The following OTOGL variants were observed in gnomAD, a reference collection of about 807,000 sequenced individuals.
The protein encoded by OTOGL is otogelin like, also known as otogelin-like protein.
OTOGL carries 285 observed loss-of-function variants against 318.5 expected under a neutral mutation model. The observed-to-expected ratio is 0.89, with a 90% CI of 0.81 to 0.99. The LOEUF (loss-of-function observed/expected upper bound fraction) is 0.99. Among genes scored for constraint, OTOGL ranks in the 50% least tolerant of loss-of-function variants. OTOGL has a pLI of 0.00. For synonymous variants in OTOGL, 987 were observed against 936.5 expected (o/e 1.05, Z -0.99); for missense variants, 2,899 against 2,845.6 (o/e 1.02, Z -0.43).
chr12:80,351,255 C>T (rs1363813907), intron 44 of OTOGL, among the ~76,000 whole-genome samples: 1 of 150,812 alleles, frequency 6.6e-6, no homozygotes, highest in African/African-American at 2.4e-5. Context: ...TGTTCTGTGT[C>T]CCATAGGCCT....
intron 1 of OTOGL, among the ~76,000 whole-genome samples, chr12:80,168,845 A>G (rs1169059748): frequency 1.3e-5 from 2 of 152,224 alleles, no homozygotes; most frequent in East Asian, 3.8e-4. Flanking sequence ...TCTCTAAGCA[A>G]TTAGGAAAAT....
At chr12:80,296,416 A>T (rs551967838) in intron 26 of OTOGL, among the ~76,000 whole-genome samples, 13 of 152,332 alleles carry the variant, frequency 8.5e-5, no homozygotes, top group African/African-American at 2.9e-4. Flanking sequence ...TTGAATTCTA[A>T]CTTATAGACA....
intron 29 of OTOGL, among the ~76,000 whole-genome samples, chr12:80,309,760 A>G (rs909751901): frequency 5.9e-5 from 9 of 152,160 alleles, no homozygotes; most frequent in South Asian, 4.1e-4. Context: ...GGGAAGGACA[A>G]TGGTGTAGAG....
At chr12:80,372,662 C>A (rs900815805) in intron 57 of OTOGL, among the ~76,000 whole-genome samples, 1 of 150,912 alleles carries the variant, frequency 6.6e-6, no homozygotes, top group Admixed American at 6.6e-5. Context: ...TTTTTATTAG[C>A]TTGGATTATA....
chr12:80,155,547 G>A (rs1202170114), intron 1 of OTOGL, among the ~76,000 whole-genome samples: 1 of 152,166 alleles, frequency 6.6e-6, no homozygotes, highest in Non-Finnish European at 1.5e-5. Flanking sequence ...ATGCAGGCAT[G>A]CAATGCATAA....
intron 1 of OTOGL, among the ~76,000 whole-genome samples, chr12:80,167,924 C>G (rs1873931083): frequency 6.6e-6 from 1 of 151,932 alleles, no homozygotes; most frequent in African/African-American, 2.4e-5. Context: ...CTTTTCTCTT[C>G]TTTTCTTTTT....
chr12:80,172,031 T>G (rs1207005616), intron 1 of OTOGL, among the ~76,000 whole-genome samples: 3 of 152,176 alleles, frequency 2.0e-5, no homozygotes, highest in Non-Finnish European at 4.4e-5. Context: ...TTTAACTGCT[T>G]CTCACAAATT....
At position 80,327,759 on chromosome 12, in the gene OTOGL, AC is replaced by A. The variant is rs1200048104; in HGVS notation, c.4200-904del. On this transcript the variant is annotated intron_variant, in intron 35 of 58. Coordinates refer to ENST00000547103, the MANE Select transcript of OTOGL (RefSeq NM_001378609.3). ...TGGATCATGAGGTCAGGAGATCGAG[AC>A]CATCCTGGCTAACATGGTGAAACCC... 3.3e-5 allele frequency among the ~76,000 whole-genome samples: 5 copies of A among 151,616 alleles called. No homozygotes were observed. The East Asian group carries it at 7.9e-4, about 24-fold the overall frequency.
chr12:80,215,320 A>G (rs1329390909), intron 4 of OTOGL, among the ~76,000 whole-genome samples: 3 of 151,756 alleles, frequency 2.0e-5, no homozygotes, highest in Non-Finnish European at 2.9e-5. Context: ...CACATACCAC[A>G]AACCCTGGCT....
Position 80,158,549 on chromosome 12 carries a change from T to C in OTOGL, c.-19-50864T>C, listed in dbSNP as rs1873279817. ...GTATAAATAAAGTCATATTTATATG[T>C]ACATATTTATATGTACATTATATAT... On this transcript the variant is annotated intron_variant, in intron 1 of 58. Transcript: ENST00000547103. Among the ~76,000 whole-genome samples, 3 of 152,190 alleles carry C rather than the reference T, an allele frequency of 2.0e-5. No individual in the cohort carries two copies. The South Asian group carries it at 6.2e-4, about 32-fold the overall frequency.
chr12:80,249,858 A>G (rs986306915), intron 11 of OTOGL, among the ~76,000 whole-genome samples: 7 of 152,162 alleles, frequency 4.6e-5, no homozygotes, highest in Admixed American at 1.3e-4. Context: ...TGTGGGATAT[A>G]GTCTCGTGGT....
At chr12:80,147,022 T>C (rs200050586) in intron 1 of OTOGL, among the ~76,000 whole-genome samples, 2 of 151,988 alleles carry the variant, frequency 1.3e-5, no homozygotes, top group Non-Finnish European at 2.9e-5. Context: ...GATTCATTAA[T>C]TTTTTGAAGG....
intron 26 of OTOGL, among the ~76,000 whole-genome samples, chr12:80,281,812 G>A (rs559419393): frequency 3.3e-4 from 50 of 151,886 alleles, no homozygotes; most frequent in African/African-American, 1.1e-3. Context: ...TCTGAGGATT[G>A]AATAGATAAA....
At position 80,256,340 on chromosome 12, in the gene OTOGL, C is replaced by A; in HGVS notation, c.1591C>A (p.Leu531Ile). 1 of 1,595,438 alleles carries A rather than the reference C, an allele frequency of 6.3e-7. No homozygotes were observed. The highest frequency in any genetic ancestry group is 8.5e-7 in the Non-Finnish European group (1 of 1,176,910). ...TGATAATTTGATTTTTACGCAGAAT[C>A]TTGGCTTGGTCTGCCTTCAGTCTAT... Reference protein sequence around the residue: ...TLQKAPCEQNLGLVCLQSITL... With the variant: ...TLQKAPCEQNIGLVCLQSITL... Residue 531 changes from leucine (L) to isoleucine (I), a missense_variant, in exon 17 of 59, where the codon CTT (leucine) becomes ATT (isoleucine). By Grantham distance (5) the Leu-to-Ile change is conservative (BLOSUM62 2). Around this residue, in one of 3 missense-constraint regions of OTOGL, gnomAD observed 2,607 missense variants for 2,524.9 expected, o/e 1.03. Coordinates refer to ENST00000547103, the MANE Select transcript of OTOGL (RefSeq NM_001378609.3).
intron 1 of OTOGL, among the ~76,000 whole-genome samples, chr12:80,135,728 T>G (rs2137129404): frequency 6.6e-6 from 1 of 152,340 alleles, no homozygotes; most frequent in Non-Finnish European, 1.5e-5. Flanking sequence ...GGTCAAACAT[T>G]GTGAGTGTTT....
At chr12:80,208,265 A>G in intron 1 of OTOGL, 1 of 511,744 alleles carries the variant, frequency 2.0e-6, no homozygotes, top group South Asian at 1.4e-5. Flanking sequence ...GAACACAAAC[A>G]GGAAACTGTT....
intron 42 of OTOGL, among the ~76,000 whole-genome samples, chr12:80,337,641 G>T (rs548823899): frequency 6.6e-6 from 1 of 151,978 alleles, no homozygotes; most frequent in Admixed American, 6.6e-5. Context: ...TATGAACTCA[G>T]TGCTTCACTC....
Position 80,356,925 on chromosome 12 carries a change from T to G in OTOGL, c.6019+11T>G. On this transcript the variant is annotated intron_variant, in intron 49 of 58. Coordinates refer to ENST00000547103, the MANE Select transcript of OTOGL (RefSeq NM_001378609.3). The stretch of plus-strand genomic sequence containing the variant: ...TTTCCCCTTTTTGTGGTGAGTATTG[T>G]AGAGATAATTTCTTGGAAGAAGAGA... 6.7e-7 allele frequency: 1 copy of G among 1,502,118 alleles called. No individual in the cohort carries two copies. The highest frequency in any genetic ancestry group is 8.9e-7 in the Non-Finnish European group (1 of 1,118,528). 93.0% of individuals were successfully genotyped at this position (1,502,118 alleles called of 1,614,324 possible).
At chr12:80,289,311 T>G in intron 26 of OTOGL, among the ~76,000 whole-genome samples, 1 of 152,162 alleles carries the variant, frequency 6.6e-6, no homozygotes, top group East Asian at 1.9e-4. Context: ...GCCAGAGCTC[T>G]CCTGTATGAA....
Sources: allele counts gnomAD v4.1 joint callset (sites outside exome capture counted in the v4.1 genomes callset), GRCh38; gene constraint gnomAD v4.1.1; regional missense constraint gnomAD v4.1.1; transcripts MANE v1.5; gene names NCBI Gene and HGNC (gene_info 2026-07-23, HGNC 2026-07-21).